Variants in RREB1 observed in about 807,000 individuals in gnomAD.
RREB1 encodes ras-responsive element-binding protein 1.
In RREB1, 27 loss-of-function variants were observed where a neutral mutation model predicts 117.8. The ratio of observed to expected loss-of-function variants is 0.23; its 90% CI spans 0.17 to 0.32. The LOEUF is 0.32. RREB1 is among the 10% of genes least tolerant of loss of function. RREB1 has a pLI of 1.00. For synonymous variants in RREB1, 1,298 were observed against 1,026.7 expected (o/e 1.26, Z -5.05); for missense variants, 2,577 against 2,378.2 (o/e 1.08, Z -1.74).
chr6:7,228,806 C>G (rs989080045), intron 9 of RREB1, among the ~76,000 whole-genome samples, 191 bp from the exon 10 acceptor site: 1 of 151,958 alleles, frequency 6.6e-6, no homozygotes, highest in Non-Finnish European at 1.5e-5. Flanking sequence ...ACACACCTGG[C>G]TAATTTTTTT....
intron 8 of RREB1, among the ~76,000 whole-genome samples, chr6:7,221,050 C>T (rs931489517): frequency 3.9e-5 from 6 of 152,110 alleles, no homozygotes; most frequent in Admixed American, 2.6e-4. Flanking sequence ...GATGAACCCT[C>T]GCGTCTCCAC....
intron 1 of RREB1, among the ~76,000 whole-genome samples, chr6:7,165,708 G>C (rs1481618905): frequency 6.6e-6 from 1 of 152,214 alleles, no homozygotes; most frequent in Non-Finnish European, 1.5e-5. Flanking sequence ...TGAGCAGGCA[G>C]GGCGGCTGTG....
chr6:7,199,307 C>G (rs1434528431), intron 6 of RREB1, among the ~76,000 whole-genome samples: 2 of 152,188 alleles, frequency 1.3e-5, no homozygotes, highest in East Asian at 3.8e-4. Context: ...ATACTCAAGC[C>G]TCTGGCTCAC....
chr6:7,124,812 A>T (rs914091529), intron 1 of RREB1, among the ~76,000 whole-genome samples: 1 of 152,186 alleles, frequency 6.6e-6, no homozygotes, highest in African/African-American at 2.4e-5. Flanking sequence ...ATGTAGATGC[A>T]GTTGTTATCC....
chr6:7,226,643 C>G lies in RREB1; in HGVS notation c.884C>G (p.Pro295Arg), dbSNP rs113426817. ...GFTDFSCRKFPRISQAWCETN... is the reference protein window; with the variant it reads ...GFTDFSCRKFRRISQAWCETN... The stretch of plus-strand genomic sequence containing the variant: ...ACGGACTTCTCCTGTAGGAAGTTTC[C>G]TCGCATTTCTCAGGTATTCTGATCA... Residue 295 changes from proline to arginine, a missense_variant, in exon 9 of 13, where the codon CCT becomes CGT. Pro to Arg is a moderately radical substitution (Grantham distance 103, BLOSUM62 -2). Transcript: ENST00000379938. 6.2e-7 allele frequency: 1 copy of G among 1,613,848 alleles called. No individual in the cohort carries two copies. Among genetic ancestry groups the G allele is most frequent in the Admixed American group, 1.7e-5 (1 of 60,016 alleles).
At chr6:7,176,838 C>G (rs568367553) in intron 2 of RREB1, 65 bp downstream of exon 2, 1 of 152,594 alleles carries the variant, frequency 6.6e-6, no homozygotes, top group South Asian at 2.1e-4. Context: ...CTTCCCATGC[C>G]CTCCTCTCCT....
chr6:7,245,319 C>T (rs550622561), intron 11 of RREB1, among the ~76,000 whole-genome samples: 10 of 152,098 alleles, frequency 6.6e-5, no homozygotes, highest in Admixed American at 3.3e-4. Context: ...TGCTTGAACC[C>T]GGGAGGTGGA....
chr6:7,232,047 G>A lies in RREB1; in HGVS notation c.3808+140G>A, dbSNP rs539700581. On this transcript the variant is annotated intron_variant, in intron 10 of 12. Coordinates refer to ENST00000379938, the MANE Select transcript of RREB1 (RefSeq NM_001003699.4). ...CTTCTTCCCCGGTCTCCGAAGCCCC[G>A]AGCTTGTCTGGTGGTGCTGTATTTC... 3.6e-5 allele frequency: 31 copies of A among 865,218 alleles called. No individual in the cohort carries two copies. The South Asian group carries it at 4.2e-4, about 12-fold the overall frequency. The allele number at this position is 865,218 out of a possible 1,614,324, so 53.6% of individuals were successfully genotyped here.
At chr6:7,190,037 C>T (rs1029324505) in intron 6 of RREB1, among the ~76,000 whole-genome samples, 2 of 152,040 alleles carry the variant, frequency 1.3e-5, no homozygotes, top group Non-Finnish European at 2.9e-5. Context: ...ATGTTTATTT[C>T]AAAAGAAAAC....
intron 8 of RREB1, chr6:7,216,958 C>G (rs1032982448): frequency 6.6e-6 from 1 of 152,384 alleles, no homozygotes; most frequent in Non-Finnish European, 1.5e-5. Flanking sequence ...CCCTCAGACT[C>G]TGCCCAGTGC....
chr6:7,159,833 G>C (rs1561751797), intron 1 of RREB1, among the ~76,000 whole-genome samples: 1 of 152,162 alleles, frequency 6.6e-6, no homozygotes, highest in Non-Finnish European at 1.5e-5. Context: ...CTTTTGAAAG[G>C]CTGATCAAAT....
rs753039699 is a variant in RREB1 at position 7,238,017 on chromosome 6, CA to C, written c.3809-2420del. Among the ~76,000 whole-genome samples, 91 of 152,288 alleles carry C rather than the reference CA, an allele frequency of 6.0e-4. No homozygotes were observed. The Middle Eastern group carries it at 0.014, about 23-fold the overall frequency. On this transcript the variant is annotated intron_variant, in intron 10 of 12. Coordinates refer to ENST00000379938, the MANE Select transcript of RREB1 (RefSeq NM_001003699.4). ...GAAAATTACAGAGTAAACCATGTGA[CA>C]GGGGGGAGCGAGAAGCCGATTGTTT... is the stretch of plus-strand genomic sequence containing the variant.
At chr6:7,239,913 C>T (rs1015015180) in intron 10 of RREB1, among the ~76,000 whole-genome samples, 1 of 152,248 alleles carries the variant, frequency 6.6e-6, no homozygotes, top group African/African-American at 2.4e-5. Flanking sequence ...AGGGACACAG[C>T]CACCAAGGCC....
rs534069023 is a variant in RREB1 at position 7,241,745 on chromosome 6, A to G, written c.3973+1143A>G. On this transcript the variant is annotated intron_variant, in intron 11 of 12. Transcript: ENST00000379938. The stretch of plus-strand genomic sequence containing the variant: ...CTCCCACTGAGCCCTAGTGAAACCA[A>G]CTGTGAGTGCTCTTGACTGCCCAAC... Among the ~76,000 whole-genome samples the G allele has an allele frequency of 4.6e-5, 7 of 152,244 alleles. No homozygotes were observed. In the South Asian group the frequency reaches 1.5e-3, roughly 32 times the overall value.
intron 1 of RREB1, among the ~76,000 whole-genome samples, chr6:7,135,832 C>T (rs1280266889): frequency 6.6e-6 from 1 of 152,134 alleles, no homozygotes; most frequent in African/African-American, 2.4e-5. Context: ...AAGTATGGAT[C>T]AACTGAGCAC....
intron 6 of RREB1, among the ~76,000 whole-genome samples, chr6:7,208,995 G>A (rs921165060): frequency 1.3e-5 from 2 of 152,156 alleles, no homozygotes; most frequent in African/African-American, 4.8e-5. Context: ...CACCTCAGCT[G>A]CCACATCTGC....
intron 1 of RREB1, among the ~76,000 whole-genome samples, chr6:7,138,951 C>G (rs1005566264): frequency 6.6e-6 from 1 of 152,138 alleles, no homozygotes; most frequent in Non-Finnish European, 1.5e-5. Context: ...TTATTTGACT[C>G]TAAACCTTAC....
In RREB1 at chr6:7,231,777, C is replaced by T. The variant is rs200374066; in HGVS notation, c.3678C>T (p.Pro1226=). 125 of 1,613,810 alleles carry T rather than the reference C, an allele frequency of 7.7e-5. No homozygotes were observed. In the East Asian group the frequency reaches 1.7e-3, roughly 22 times the overall value. Residue 1226 remains proline, a synonymous_variant, in exon 10 of 13, where the codon CCC becomes CCT. Coordinates refer to ENST00000379938, the MANE Select transcript of RREB1 (RefSeq NM_001003699.4). ...CCAGTGATGAAGAGCAGGGCAGTCC[C>T]CCAGAAGACAAGCTGCTGAGGGCCA... ...HGPSDEEQGS[P]PEDKLLRAKR...
chr6:7,179,262 CATACACACACATTT>C (rs1223611299), intron 2 of RREB1, among the ~76,000 whole-genome samples: 1 of 152,164 alleles, frequency 6.6e-6, no homozygotes, highest in Non-Finnish European at 1.5e-5. Context: ...TTTCTACACA[CATACACACACATTT>C]TGTTGTTTGT....
Sources: gnomAD v4.1 joint callset for allele counts (sites outside exome capture counted in the v4.1 genomes callset) on GRCh38, gnomAD v4.1.1 for gene constraint, MANE v1.5 for transcripts, NCBI Gene and HGNC (gene_info 2026-07-23, HGNC 2026-07-21) for gene names.